The following PPP3CA variants were observed in gnomAD, a reference collection of about 807,000 sequenced individuals.
PPP3CA encodes protein phosphatase 3 catalytic subunit alpha, also known as CAM-PRP catalytic subunit.
A neutral mutation model predicts 66.5 loss-of-function variants in PPP3CA; 14 were observed. That is an observed-to-expected ratio of 0.21 (90% CI 0.14 to 0.33). The LOEUF is 0.33. Among genes scored for constraint, PPP3CA ranks in the 10% least tolerant of loss-of-function variants. The pLI, the probability that PPP3CA is intolerant of heterozygous loss-of-function variation, is 1.00. For missense variants in PPP3CA, 317 were observed against 639.5 expected, an observed-to-expected ratio of 0.50 and a Z score of 5.44; for synonymous variants, 232 against 226.2, an observed-to-expected ratio of 1.03 and a Z score of -0.23.
chr4:101,335,619 A>C lies in PPP3CA; in HGVS notation c.58+11120T>G, dbSNP rs1002820021. Among the ~76,000 whole-genome samples the C allele has an allele frequency of 5.3e-5, 8 of 152,268 alleles. 2 individuals are homozygous for C. The highest frequency in any genetic ancestry group is 2.9e-5 in the Non-Finnish European group (2 of 68,004). ...TGCCTAAGTTCTGGGAAAAAATAAC[A>C]AGGGAATTTCAATGGGAAAGGCATG... On this transcript the variant is annotated intron_variant, in intron 1 of 13. Transcript: ENST00000394854.
At chr4:101,246,107 T>G (rs2110238848) in intron 1 of PPP3CA, among the ~76,000 whole-genome samples, 1 of 152,322 alleles carries the variant, frequency 6.6e-6, no homozygotes, top group East Asian at 1.9e-4. Context: ...CTACACAGGC[T>G]TCTATCTTTC....
At chr4:101,234,997 C>G (rs76681192) in intron 1 of PPP3CA, among the ~76,000 whole-genome samples, 1,780 of 151,730 alleles carry the variant, frequency 0.012, 27 homozygotes, top group African/African-American at 0.04. Flanking sequence ...AACAGGCACT[C>G]TTTACAAGTA....
At chr4:101,077,890 A>G (rs1035318545) in intron 8 of PPP3CA, among the ~76,000 whole-genome samples, 4 of 151,536 alleles carry the variant, frequency 2.6e-5, no homozygotes, top group Non-Finnish European at 5.9e-5. Flanking sequence ...AGAAATAGAC[A>G]CCTTATTTGA....
At chr4:101,220,462 C>T (rs1046482233) in intron 1 of PPP3CA, among the ~76,000 whole-genome samples, 1 of 151,598 alleles carries the variant, frequency 6.6e-6, no homozygotes. Context: ...AGTATTAACA[C>T]TAAATTTTAT....
At chr4:101,143,088 T>C (rs1722861445) in intron 2 of PPP3CA, among the ~76,000 whole-genome samples, 1 of 152,178 alleles carries the variant, frequency 6.6e-6, no homozygotes, top group Non-Finnish European at 1.5e-5. Flanking sequence ...ATAGTTTAAT[T>C]TCTACCACAC....
chr4:101,226,488 G>C (rs713455), intron 1 of PPP3CA, among the ~76,000 whole-genome samples: 100,450 of 151,508 alleles, frequency 0.66, 34,283 homozygotes, highest in Non-Finnish European at 0.74. Flanking sequence ...GTTTTGCTAC[G>C]TGAAGGAGTC....
intron 1 of PPP3CA, among the ~76,000 whole-genome samples, chr4:101,328,113 G>A (rs1053002509): frequency 3.9e-5 from 6 of 152,048 alleles, no homozygotes; most frequent in East Asian, 3.9e-4. Flanking sequence ...GGAGCTCCCC[G>A]AATTTACAGA....
intron 2 of PPP3CA, among the ~76,000 whole-genome samples, chr4:101,174,529 A>G (rs1462354200): frequency 2.0e-5 from 3 of 152,222 alleles, no homozygotes; most frequent in African/African-American, 7.2e-5. Flanking sequence ...AATGTATGAA[A>G]GCTTTAAGTA....
intron 8 of PPP3CA, among the ~76,000 whole-genome samples, chr4:101,063,598 C>A (rs565606973): frequency 6.6e-6 from 1 of 151,828 alleles, no homozygotes; most frequent in East Asian, 1.9e-4. Flanking sequence ...AAAATATTTA[C>A]ACAAAATAGT....
intron 9 of PPP3CA, 30 bp from the exon 10 acceptor site, chr4:101,061,191 C>T: frequency 4.4e-6 from 7 of 1,585,840 alleles, no homozygotes; most frequent in Non-Finnish European, 5.2e-6. Context: ...AAAGAAAAGT[C>T]AGGGTTTTCT....
chr4:101,060,906 CATG>C (rs775594240), intron 10 of PPP3CA, among the ~76,000 whole-genome samples, 178 bp downstream of exon 10: 10 of 152,228 alleles, frequency 6.6e-5, no homozygotes, highest in South Asian at 2.1e-4. Flanking sequence ...AGAAAATTCT[CATG>C]ATATTTGTTT....
At chr4:101,106,423 A>G (rs1730697337) in intron 3 of PPP3CA, among the ~76,000 whole-genome samples, 2 of 12,860 alleles carry the variant, frequency 1.6e-4, no homozygotes, top group Admixed American at 1.2e-3. Context: ...GAAAGAAAGA[A>G]AGAAAGAAAG....
intron 1 of PPP3CA, among the ~76,000 whole-genome samples, chr4:101,302,068 G>A (rs1274806249): frequency 6.6e-6 from 1 of 152,060 alleles, no homozygotes; most frequent in East Asian, 1.9e-4. Flanking sequence ...TACTGATAGA[G>A]ATTATGTATA....
At chr4:101,125,113 G>C (rs191590665) in intron 2 of PPP3CA, among the ~76,000 whole-genome samples, 18 of 152,182 alleles carry the variant, frequency 1.2e-4, no homozygotes, top group Non-Finnish European at 2.6e-4. Flanking sequence ...ATAGGCAGGG[G>C]GGGTATAAGA....
intron 6 of PPP3CA, among the ~76,000 whole-genome samples, chr4:101,093,515 T>C (rs1165420832): frequency 6.6e-6 from 1 of 152,210 alleles, no homozygotes; most frequent in Non-Finnish European, 1.5e-5. Flanking sequence ...ACTTGCTTTA[T>C]TGCAATATTT....
intron 2 of PPP3CA, among the ~76,000 whole-genome samples, chr4:101,111,077 C>T (rs1267554307): frequency 2.0e-5 from 3 of 152,102 alleles, no homozygotes; most frequent in Non-Finnish European, 4.4e-5. Context: ...TATAATTACT[C>T]TTCTACCTAT....
chr4:101,061,099 C>T lies in PPP3CA; in HGVS notation c.1144G>A (p.Asp382Asn). Residue 382 changes from aspartate to asparagine, a missense_variant, in exon 10 of 14, where the codon GAT becomes AAT. Around this residue, in one of 3 missense-constraint regions of PPP3CA, gnomAD observed 201 missense variants for 501.4 expected, o/e 0.40. Coordinates refer to ENST00000394854, the MANE Select transcript of PPP3CA (RefSeq NM_000944.5). Reference sequence around the variant, plus strand: ...TCAAGCCTCTTACCATCAAATCCATCTTCTTCTGACCCTAGTTCATCATCT... The same window carrying T: ...TCAAGCCTCTTACCATCAAATCCATTTTCTTCTGACCCTAGTTCATCATCT... Reference protein sequence around the residue: ...CSDDELGSEEDGFDGATAAAR... With the variant: ...CSDDELGSEENGFDGATAAAR... 1 of 1,611,708 alleles carries T rather than the reference C, an allele frequency of 6.2e-7. No homozygotes were observed. Among genetic ancestry groups the T allele is most frequent in the Non-Finnish European group, 8.5e-7 (1 of 1,178,236 alleles).
intron 3 of PPP3CA, among the ~76,000 whole-genome samples, chr4:101,106,402 AAAGAAAGAAAG>A (rs1560604787): frequency 5.8e-4 from 5 of 8,630 alleles, no homozygotes; most frequent in African/African-American, 1.8e-3. Flanking sequence ...AGAAAGAAAG[AAAGAAAGAAAG>A]AAAGAAAGAA....
chr4:101,241,183 G>A (rs1454491828), intron 1 of PPP3CA, among the ~76,000 whole-genome samples: 1 of 152,050 alleles, frequency 6.6e-6, no homozygotes, highest in East Asian at 1.9e-4. Context: ...CATAAGAGGA[G>A]ATGGTATGGT....
Sources: allele counts gnomAD v4.1 joint callset (sites outside exome capture counted in the v4.1 genomes callset), GRCh38; gene constraint gnomAD v4.1.1; regional missense constraint gnomAD v4.1.1; transcripts MANE v1.5; gene names NCBI Gene and HGNC (gene_info 2026-07-23, HGNC 2026-07-21).